The following DCBLD1 variants were observed in gnomAD, a reference collection of about 807,000 sequenced individuals.
The protein encoded by DCBLD1 is discoidin, CUB and LCCL domain-containing protein 1.
In DCBLD1, 57 loss-of-function variants were observed where a neutral mutation model predicts 71.5. That is an observed-to-expected ratio of 0.80 (90% CI 0.64 to 0.99). DCBLD1 has a LOEUF of 0.99. Ranked by LOEUF, DCBLD1 falls within the 50% of genes least tolerant of loss-of-function variation. The pLI, the probability that DCBLD1 is intolerant of heterozygous loss-of-function variation, is 0.00. For synonymous variants in DCBLD1, 380 were observed against 363.8 expected (o/e 1.04, Z -0.51); for missense variants, 891 against 923.5 (o/e 0.96, Z 0.46).
At chr6:117,520,685 T>G (rs912159538) in intron 3 of DCBLD1, among the ~76,000 whole-genome samples, 2 of 152,214 alleles carry the variant, frequency 1.3e-5, no homozygotes, top group African/African-American at 4.8e-5. Context: ...AAGCACGGGC[T>G]CCTGTCCTGG....
At chr6:117,547,051 T>C (rs1266202502) in intron 14 of DCBLD1, among the ~76,000 whole-genome samples, 1 of 152,224 alleles carries the variant, frequency 6.6e-6, no homozygotes, top group East Asian at 1.9e-4. Context: ...ACTTTTCCTC[T>C]TTCCTAGTTT....
intron 14 of DCBLD1, among the ~76,000 whole-genome samples, chr6:117,557,167 C>T (rs1370503930): frequency 6.6e-6 from 1 of 152,124 alleles, no homozygotes. Context: ...AGTTTTGTTG[C>T]AATCTCCCAC....
In DCBLD1 at chr6:117,546,584, T is replaced by C. The variant is rs116638867; in HGVS notation, c.1615+987T>C. Among the ~76,000 whole-genome samples, 392 of 152,282 alleles carry C rather than the reference T, an allele frequency of 2.6e-3. 1 individual carries two copies. The highest frequency in any genetic ancestry group is 9.0e-3 in the African/African-American group (374 of 41,530). The stretch of plus-strand genomic sequence containing the variant: ...TGAAGGGAGAACCTAATTTCTGTTG[T>C]CTTATGCCTTTCATTCTCCTTCAGC... On this transcript the variant is annotated intron_variant, in intron 14 of 14. Coordinates refer to ENST00000338728, the MANE Select transcript of DCBLD1 (RefSeq NM_001366458.2).
intron 14 of DCBLD1, among the ~76,000 whole-genome samples, chr6:117,559,449 A>C (rs1779541982): frequency 6.6e-6 from 1 of 152,196 alleles, no homozygotes; most frequent in Non-Finnish European, 1.5e-5. Context: ...GAGTCATCAT[A>C]TAATATCCCT....
intron 14 of DCBLD1, chr6:117,563,374 C>A: frequency 6.2e-7 from 1 of 1,612,766 alleles, no homozygotes. Context: ...TTACTGCCTT[C>A]TTATTAAATC....
intron 2 of DCBLD1, among the ~76,000 whole-genome samples, chr6:117,506,235 G>A (rs1777839584): frequency 6.6e-6 from 1 of 151,910 alleles, no homozygotes; most frequent in African/African-American, 2.4e-5. Flanking sequence ...AGTGTGATTA[G>A]GTGAACATGC....
Position 117,548,073 on chromosome 6 carries a change from G to A in DCBLD1, c.1782G>A (p.Ala594=), listed in dbSNP as rs1237202164. The change falls in exon 15 of 15, where the codon GCG becomes GCA. Residue 594 remains alanine (A), a synonymous_variant. Coordinates refer to ENST00000338728, the MANE Select transcript of DCBLD1 (RefSeq NM_001366458.2). ...GCCACGAGTACGCGCTGCCCCTGGC[G>A]CCCCCGGAGCCCGAGTACGCCACGC... The part of the protein sequence containing the change: ...AGRHEYALPL[A]PPEPEYATPI... 4.5e-6 allele frequency: 7 copies of A among 1,548,560 alleles called. No homozygotes were observed. In the Admixed American group the frequency reaches 5.9e-5, roughly 13 times the overall value.
At chr6:117,525,546 C>A in intron 5 of DCBLD1, 112 bp downstream of exon 5, 1 of 706,432 alleles carries the variant, frequency 1.4e-6, no homozygotes, top group East Asian at 3.2e-5. Flanking sequence ...TAGATAGATG[C>A]ATGAGTCTCT....
intron 14 of DCBLD1, among the ~76,000 whole-genome samples, chr6:117,557,995 G>C (rs1779517535): frequency 6.6e-6 from 1 of 152,150 alleles, no homozygotes; most frequent in African/African-American, 2.4e-5. Flanking sequence ...AGCAGCCTCT[G>C]TAACATCTTG....
intron 6 of DCBLD1, among the ~76,000 whole-genome samples, chr6:117,533,353 T>C (rs1289838897): frequency 6.6e-6 from 1 of 152,178 alleles, no homozygotes; most frequent in Non-Finnish European, 1.5e-5. Context: ...TATTTTGTCC[T>C]AGCCCCCTCT....
intron 14 of DCBLD1, chr6:117,560,758 C>T (rs368572507): frequency 1.4e-5 from 3 of 207,394 alleles, no homozygotes; most frequent in East Asian, 1.5e-4. Context: ...TACACGCACA[C>T]ATACAACCCT....
At chr6:117,498,859 C>T (rs1777553827) in intron 1 of DCBLD1, among the ~76,000 whole-genome samples, 1 of 152,042 alleles carries the variant, frequency 6.6e-6, no homozygotes. Context: ...CATTATCTCA[C>T]CTAATAAAAT....
intron 1 of DCBLD1, among the ~76,000 whole-genome samples, chr6:117,485,997 A>G (rs780690923): frequency 6.6e-6 from 1 of 152,260 alleles, no homozygotes; most frequent in Non-Finnish European, 1.5e-5. Context: ...GAAAGAGGTT[A>G]TGTTAAAAAA....
At chr6:117,528,317 T>C (rs962312076) in intron 5 of DCBLD1, among the ~76,000 whole-genome samples, 3 of 152,206 alleles carry the variant, frequency 2.0e-5, no homozygotes, top group African/African-American at 4.8e-5. Flanking sequence ...CAGAAATAAT[T>C]CATATGATGG....
At chr6:117,487,197 A>G (rs574316369) in intron 1 of DCBLD1, among the ~76,000 whole-genome samples, 1 of 152,270 alleles carries the variant, frequency 6.6e-6, no homozygotes, top group African/African-American at 2.4e-5. Context: ...CTACTAGATT[A>G]TAAGGTCTAT....
At chr6:117,524,526 T>A (rs578062307) in intron 4 of DCBLD1, among the ~76,000 whole-genome samples, 1 of 152,070 alleles carries the variant, frequency 6.6e-6, no homozygotes. Context: ...TTTTAAAATA[T>A]ATCCTTTTTT....
At chr6:117,485,476 G>A (rs1444527406) in intron 1 of DCBLD1, among the ~76,000 whole-genome samples, 1 of 152,182 alleles carries the variant, frequency 6.6e-6, no homozygotes, top group Admixed American at 6.5e-5. Context: ...GCTGATAGAT[G>A]ATGTTTTAGG....
chr6:117,543,453 T>C (rs550564373), intron 12 of DCBLD1, among the ~76,000 whole-genome samples: 1 of 152,230 alleles, frequency 6.6e-6, no homozygotes, highest in East Asian at 1.9e-4. Flanking sequence ...GTGGTGAGAT[T>C]GCTCAAACTC....
chr6:117,505,985 G>A (rs889047897), intron 2 of DCBLD1, among the ~76,000 whole-genome samples: 2 of 152,100 alleles, frequency 1.3e-5, no homozygotes, highest in East Asian at 1.9e-4. Flanking sequence ...CAGCAATAAA[G>A]CCAATTAATT....
Sources: allele counts gnomAD v4.1 joint callset (sites outside exome capture counted in the v4.1 genomes callset), GRCh38; gene constraint gnomAD v4.1.1; transcripts MANE v1.5; gene names NCBI Gene and HGNC (gene_info 2026-07-23, HGNC 2026-07-21).